The following BTBD18 variants were observed in gnomAD, a reference collection of about 807,000 sequenced individuals.
The protein encoded by BTBD18 is BTB domain containing 18.
For synonymous variants in BTBD18, 311 were observed against 324.4 expected (o/e 0.96, Z 0.44); for missense variants, 787 against 846.3 (o/e 0.93, Z 0.87).
At chr11:57,746,784 AAC>A (rs779440849) in intron 2 of BTBD18, among the ~76,000 whole-genome samples, 91 of 143,376 alleles carry the variant, frequency 6.3e-4, no homozygotes, top group Non-Finnish European at 1.1e-3. Context: ...TAGCCTGGGG[AAC>A]ACAGTTATAC....
At chr11:57,752,475 A>G (rs1381791416), upstream of BTBD18, among the ~76,000 whole-genome samples, 1 of 151,816 alleles carries the variant, frequency 6.6e-6, no homozygotes, top group Non-Finnish European at 1.5e-5. Context: ...CAGAGGTTGT[A>G]GATAGAGCCA....
intron 2 of BTBD18, among the ~76,000 whole-genome samples, chr11:57,749,225 C>T (rs1347830606): frequency 1.3e-5 from 2 of 152,172 alleles, no homozygotes; most frequent in African/African-American, 2.4e-5. Context: ...TGAATGTCTT[C>T]CCCTTATAAG....
At chr11:57,748,436 C>T (rs1448695316) in intron 2 of BTBD18, among the ~76,000 whole-genome samples, 3 of 151,864 alleles carry the variant, frequency 2.0e-5, no homozygotes, top group African/African-American at 7.3e-5. Flanking sequence ...AATTCAAGGC[C>T]GGGCACAGTG....
chr11:57,744,229 A>G lies in BTBD18; in HGVS notation c.2044T>C (p.Trp682Arg). 6.4e-7 allele frequency: 1 copy of G among 1,551,706 alleles called. No individual in the cohort carries two copies. Among genetic ancestry groups the G allele is most frequent in the South Asian group, 1.2e-5 (1 of 84,062 alleles). The change falls in exon 3 of 3, where the codon TGG becomes CGG. Residue 682 changes from tryptophan to arginine, a missense_variant. By Grantham distance (101) the Trp-to-Arg change is moderately radical (BLOSUM62 -3). Coordinates refer to ENST00000422652, the MANE Select transcript of BTBD18 (RefSeq NM_001145101.3). ...GGTACCAGCCTCCCCTCTGCTGTCC[A>G]GTCCACCACATCAATCTCTTCCTCT... ...SEEEEIDVVD[W>R]TAEGRLVPTT...
chr11:57,745,826 A>T lies in BTBD18; in HGVS notation c.447T>A (p.Ala149=). The T allele has an allele frequency of 2.6e-6, 4 of 1,551,584 alleles. No individual in the cohort carries two copies. In the South Asian group the frequency reaches 4.8e-5, roughly 18 times the overall value. Residue 149 remains alanine (A), a synonymous_variant, in exon 3 of 3, where the codon GCT becomes GCA. Coordinates refer to ENST00000422652, the MANE Select transcript of BTBD18 (RefSeq NM_001145101.3). The part of the protein sequence containing the change: ...LNRECLQPTS[A]APISARVVTP... ...TCACCACTCTGGCAGAGATTGGTGC[A>T]GCACTTGTTGGTTGTAAGCACTCTC...
At position 57,744,859 on chromosome 11, in the gene BTBD18, C is replaced by T. The variant is rs780590058; in HGVS notation, c.1414G>A (p.Ala472Thr). The part of the protein sequence containing the change: ...DCREPYAFDT[A>T]LLEQPCEAEE... The stretch of plus-strand genomic sequence containing the variant: ...GCCTCACAGGGCTGCTCCAGCAGAG[C>T]TGTGTCAAATGCATAGGGTTCTCTG... Residue 472 changes from alanine (A) to threonine (T), a missense_variant, in exon 3 of 3, where the codon GCT becomes ACT. Physicochemically the swap from Ala to Thr is moderately conservative, Grantham distance 58 (BLOSUM62 0). Coordinates refer to ENST00000422652, the MANE Select transcript of BTBD18 (RefSeq NM_001145101.3). 2 of 1,551,746 alleles carry T rather than the reference C, an allele frequency of 1.3e-6. No homozygotes were observed. The highest frequency in any genetic ancestry group is 2.4e-5 in the South Asian group (2 of 84,068).
intron 2 of BTBD18, among the ~76,000 whole-genome samples, chr11:57,746,772 G>C (rs1296488455): frequency 7.2e-6 from 1 of 139,170 alleles, no homozygotes; most frequent in Non-Finnish European, 1.5e-5. Flanking sequence ...GGGCTTTGAG[G>C]CTAGCCTGGG....
In BTBD18 at chr11:57,745,538, G is replaced by A. The variant is rs1365856284; in HGVS notation, c.735C>T (p.Leu245=). ...KNDTALDPTV[L]SPPSLYPSVD... ...CAGAGGGGTACAAGCTGGGTGGGGA[G>A]AGCACTGTAGGATCAAGGGCAGTGT... Residue 245 remains leucine, a synonymous_variant, in exon 3 of 3, where the codon CTC becomes CTT. Transcript: ENST00000422652. The A allele has an allele frequency of 2.3e-5, 35 of 1,549,850 alleles. No homozygotes were observed. The highest frequency in any genetic ancestry group is 2.8e-5 in the Non-Finnish European group (32 of 1,146,992).
rs1949134625 is a variant in BTBD18 at position 57,743,531 on chromosome 11, ATAATT to A, written c.*598_*602del. 6.6e-6 allele frequency: 1 copy of A among 152,230 alleles called. No homozygotes were observed. The highest frequency in any genetic ancestry group is 1.5e-5 in the Non-Finnish European group (1 of 68,058). 9.4% of individuals were successfully genotyped at this position (152,230 alleles called of 1,614,324 possible). On this transcript the variant is annotated 3_prime_UTR_variant, in exon 3 of 3. Coordinates refer to ENST00000422652, the MANE Select transcript of BTBD18 (RefSeq NM_001145101.3). ...TGTAAAAATTATGGGAGCAAAGTAA[ATAATT>A]TATTTTTTAAAAAAGCAACTGTATC...
chr11:57,744,956 G>A lies in BTBD18; in HGVS notation c.1317C>T (p.His439=). The part of the protein sequence containing the change: ...ILVSASHSPD[H]PVVKSEFESS... ...ACTCAAACTCTGACTTCACCACTGG[G>A]TGGTCTGGGGAGTGGCTAGCAGAGA... The change falls in exon 3 of 3, where the codon CAC becomes CAT. Residue 439 remains histidine, a synonymous_variant. Coordinates refer to ENST00000422652, the MANE Select transcript of BTBD18 (RefSeq NM_001145101.3). The A allele has an allele frequency of 1.3e-6, 2 of 1,551,652 alleles. No homozygotes were observed. The highest frequency in any genetic ancestry group is 1.7e-6 in the Non-Finnish European group (2 of 1,146,960).
rs35274578 is a variant in BTBD18 at position 57,746,805 on chromosome 11, C to CAAA, written c.125-660_125-658dup. ...GGGGAACACAGTTATACCTTGTCTC[C>CAAA]AAAAAAAAAAAAAAAAAAAGCCTTC... On this transcript the variant is annotated intron_variant, in intron 2 of 2. Coordinates refer to ENST00000422652, the MANE Select transcript of BTBD18 (RefSeq NM_001145101.3). Among the ~76,000 whole-genome samples the CAAA allele has an allele frequency of 6.4e-3, 612 of 95,228 alleles. 11 individuals carry two copies. The highest frequency in any genetic ancestry group is 0.012 in the East Asian group (38 of 3,228). The allele number at this position is 95,228 out of a possible 152,430, so 62.5% of individuals were successfully genotyped here. A position where few individuals can be genotyped will look rare whatever the true frequency, so the allele number is the denominator to read the frequency against.
intron 2 of BTBD18, 125 bp downstream of exon 2, chr11:57,750,940 C>G (rs748917856): frequency 2.8e-5 from 20 of 710,024 alleles, no homozygotes; most frequent in Non-Finnish European, 3.9e-5. Context: ...CAGCCCTTTA[C>G]CAAATAGTTT....
rs1363479781 is a variant in BTBD18 at position 57,744,358 on chromosome 11, C to G, written c.1915G>C (p.Glu639Gln). Residue 639 changes from glutamate (E) to glutamine (Q), a missense_variant, in exon 3 of 3, where the codon GAA becomes CAA. Glu to Gln is a conservative substitution (Grantham distance 29, BLOSUM62 2). Transcript: ENST00000422652. ...AACTCATCTGTAGTCAAGGAGACTT[C>G]CAGCCCAGTCTCCACCCAGTTTGAG... The part of the protein sequence containing the change: ...PCSNWVETGL[E>Q]VSLTTDELLY... 6.4e-7 allele frequency: 1 copy of G among 1,551,594 alleles called. No homozygotes were observed. Among genetic ancestry groups the G allele is most frequent in the East Asian group, 2.4e-5 (1 of 40,926 alleles).
At position 57,745,982 on chromosome 11, in the gene BTBD18, T is replaced by G. The variant is rs1437644749; in HGVS notation, c.291A>C (p.Glu97Asp). 6.4e-7 allele frequency: 1 copy of G among 1,551,602 alleles called. No individual in the cohort carries two copies. The highest frequency in any genetic ancestry group is 1.2e-5 in the South Asian group (1 of 84,052). The change falls in exon 3 of 3, where the codon GAA becomes GAC. Residue 97 changes from glutamate to aspartate, a missense_variant. Coordinates refer to ENST00000422652, the MANE Select transcript of BTBD18 (RefSeq NM_001145101.3). ...RKLVDFLYTS[E>D]MEVSQEEAQD... is the part of the protein sequence containing the mutation. ...GGGCTTCTTCTTGAGATACTTCCAT[T>G]TCTGAGGTATACAAGAAGTCCACCA...
chr11:57,751,054 C>A lies in BTBD18; in HGVS notation c.124+11G>T. The A allele has an allele frequency of 6.6e-7, 1 of 1,511,538 alleles. No homozygotes were observed. Among genetic ancestry groups the A allele is most frequent in the South Asian group, 1.3e-5 (1 of 77,304 alleles). The allele number at this position is 1,511,538 out of a possible 1,614,324, so 93.6% of individuals were successfully genotyped here. A position where few individuals can be genotyped will look rare whatever the true frequency, so the allele number is the denominator to read the frequency against. On this transcript the variant is annotated intron_variant, in intron 2 of 2. Transcript: ENST00000422652. ...GGTGAGTTTTCAGTTGAATTCCGACCACTCTCTTACCTTCTGCCTGCAGAA... is the reference window on the plus strand; with the variant it reads ...GGTGAGTTTTCAGTTGAATTCCGACAACTCTCTTACCTTCTGCCTGCAGAA...
rs78162678 is a variant in BTBD18 at position 57,745,368 on chromosome 11, C to G, written c.905G>C (p.Ser302Thr). 1,034 of 1,551,704 alleles carry G rather than the reference C, an allele frequency of 6.7e-4. 23 individuals carry two copies. The East Asian group carries it at 0.025, about 38-fold the overall frequency. Residue 302 changes from serine to threonine, a missense_variant, in exon 3 of 3, where the codon AGT becomes ACT. Ser to Thr is a moderately conservative substitution (Grantham distance 58, BLOSUM62 1). Transcript: ENST00000422652. ...TPGRRLWRQR[S>T]VNKETPEDKP... Reference sequence around the variant, plus strand: ...GTCCTCTGGTGTTTCTTTATTTACACTCCTCTGCCGCCAAAGACGCCGGCC... The same window carrying G: ...GTCCTCTGGTGTTTCTTTATTTACAGTCCTCTGCCGCCAAAGACGCCGGCC...
Position 57,744,410 on chromosome 11 carries a change from C to T in BTBD18, c.1863G>A (p.Arg621=). The T allele has an allele frequency of 6.4e-7, 1 of 1,551,706 alleles. No homozygotes were observed. Among genetic ancestry groups the T allele is most frequent in the South Asian group, 1.2e-5 (1 of 84,046 alleles). ...AGGGAGGTGAGAGGTCCCCATAAGACCTCTGGGGAGTATCAAGGGAGCTGA... is the reference window on the plus strand; with the variant it reads ...AGGGAGGTGAGAGGTCCCCATAAGATCTCTGGGGAGTATCAAGGGAGCTGA... The part of the protein sequence containing the change: ...LHVSSLDTPQ[R]SYGDLSPPCS... Residue 621 remains arginine (R), a synonymous_variant, in exon 3 of 3, where the codon AGG becomes AGA. Transcript: ENST00000422652.
rs1190691008 is a variant in BTBD18 at position 57,745,610 on chromosome 11, G to T, written c.663C>A (p.Asn221Lys). The change falls in exon 3 of 3, where the codon AAC (asparagine) becomes AAA (lysine). Residue 221 changes from asparagine to lysine, a missense_variant. Coordinates refer to ENST00000422652, the MANE Select transcript of BTBD18 (RefSeq NM_001145101.3). ...ARACPTPQEK[N>K]SSPSSHSQEP... is the part of the protein sequence containing the mutation. ...CTTGACTATGGCTTGATGGTGAAGA[G>T]TTTTTTTCTTGTGGAGTTGGGCAGG... 11 of 1,551,486 alleles carry T rather than the reference G, an allele frequency of 7.1e-6. No homozygotes were observed. The East Asian group carries it at 2.2e-4, about 31-fold the overall frequency.
At position 57,744,013 on chromosome 11, in the gene BTBD18, AAG is replaced by A; in HGVS notation, c.*119_*120del. On this transcript the variant is annotated 3_prime_UTR_variant, in exon 3 of 3. Coordinates refer to ENST00000422652, the MANE Select transcript of BTBD18 (RefSeq NM_001145101.3). ...TAGGGAAGGGAGGAAGGGACCTACA[AAG>A]AGCCAGGGTACACCTGCCTCTTGTG... 1.4e-6 allele frequency: 1 copy of A among 693,340 alleles called. No homozygotes were observed. Among genetic ancestry groups the A allele is most frequent in the Non-Finnish European group, 2.4e-6 (1 of 418,388 alleles). The allele number at this position is 693,340 out of a possible 1,614,324, so 42.9% of individuals were successfully genotyped here.
Sources: allele counts gnomAD v4.1 joint callset (sites outside exome capture counted in the v4.1 genomes callset), GRCh38; gene constraint gnomAD v4.1.1; transcripts MANE v1.5; gene names NCBI Gene and HGNC (gene_info 2026-07-23, HGNC 2026-07-21).